Variants in MEX3C observed in about 807,000 individuals in gnomAD.
The protein encoded by MEX3C is RNA-binding E3 ubiquitin-protein ligase MEX3C.
Under a neutral mutation model 35.5 loss-of-function variants are expected in MEX3C, and 15 were observed. That is an observed-to-expected ratio of 0.42 (90% CI 0.28 to 0.65). The LOEUF (loss-of-function observed/expected upper bound fraction) is 0.65, where lower values mean the gene tolerates loss of function less well. MEX3C is among the 30% of genes least tolerant of loss of function. MEX3C has a pLI of 0.20. For synonymous variants in MEX3C, 390 were observed against 352.8 expected (o/e 1.11, Z -1.18); for missense variants, 711 against 842.8 (o/e 0.84, Z 1.94).
intron 1 of MEX3C, among the ~76,000 whole-genome samples, chr18:51,185,884 A>ACCCCC (rs150800504): frequency 6.6e-6 from 1 of 151,214 alleles, no homozygotes. Context: ...ACATAGTGAG[A>ACCCCC]CCCCCCCCTC....
intron 1 of MEX3C, among the ~76,000 whole-genome samples, chr18:51,178,169 A>G (rs1912344946): frequency 6.6e-6 from 1 of 152,210 alleles, no homozygotes; most frequent in Non-Finnish European, 1.5e-5. Flanking sequence ...TAATCATTGT[A>G]AAGTCCTGCT....
chr18:51,183,278 A>T (rs1315027817), intron 1 of MEX3C, among the ~76,000 whole-genome samples: 1 of 152,186 alleles, frequency 6.6e-6, no homozygotes, highest in African/African-American at 2.4e-5. Context: ...TTTGTTTTTA[A>T]ACCACGGTTC....
intron 1 of MEX3C, among the ~76,000 whole-genome samples, chr18:51,186,561 G>C (rs1236901334): frequency 1.3e-5 from 2 of 152,196 alleles, no homozygotes; most frequent in African/African-American, 2.4e-5. Context: ...TGTCAGGCAA[G>C]GGAATTTCGA....
At chr18:51,183,102 A>G (rs943107032) in intron 1 of MEX3C, among the ~76,000 whole-genome samples, 1 of 152,220 alleles carries the variant, frequency 6.6e-6, no homozygotes, top group African/African-American at 2.4e-5. Flanking sequence ...CATACAGTTG[A>G]AAATGGTAAT....
At position 51,197,079 on chromosome 18, in the gene MEX3C, G is replaced by A. The variant is rs1400547600; in HGVS notation, c.242C>T (p.Ala81Val). ...RAPAAAAQGQ[A>V]RRAAELSPEE... The stretch of plus-strand genomic sequence containing the variant: ...TGGAGACAGCTCCGCCGCCCGCCGG[G>A]CCTGGCCCTGCGCCGCCGCTGCCGG... Residue 81 changes from alanine (A) to valine (V), a missense_variant, in exon 1 of 2, where the codon GCC becomes GTC. By Grantham distance (64) the Ala-to-Val change is moderately conservative. Transcript: ENST00000406189. 7.8e-7 allele frequency: 1 copy of A among 1,286,204 alleles called. No individual in the cohort carries two copies. Among genetic ancestry groups the A allele is most frequent in the Admixed American group, 4.2e-5 (1 of 23,768 alleles). 79.7% of individuals were successfully genotyped at this position (1,286,204 alleles called of 1,614,324 possible). A position where few individuals can be genotyped will look rare whatever the true frequency, so the allele number is the denominator to read the frequency against.
At chr18:51,183,919 T>C (rs1912480820) in intron 1 of MEX3C, among the ~76,000 whole-genome samples, 2 of 152,166 alleles carry the variant, frequency 1.3e-5, no homozygotes, top group Admixed American at 1.3e-4. Context: ...AAGAATTGCT[T>C]GTGTCCAGGA....
At chr18:51,179,808 T>C (rs916006710) in intron 1 of MEX3C, among the ~76,000 whole-genome samples, 5 of 152,312 alleles carry the variant, frequency 3.3e-5, no homozygotes, top group South Asian at 2.1e-4. Flanking sequence ...TCACTTTCTA[T>C]TGATGCTTAA....
At chr18:51,180,845 T>C (rs1912412766) in intron 1 of MEX3C, among the ~76,000 whole-genome samples, 1 of 152,176 alleles carries the variant, frequency 6.6e-6, no homozygotes, top group Non-Finnish European at 1.5e-5. Context: ...CTTCCCTAAA[T>C]CTTTTGATTA....
rs953065112 is a variant in MEX3C at position 51,175,443 on chromosome 18, C to G, written c.*908G>C. The G allele has an allele frequency of 6.6e-6, 1 of 152,550 alleles. No individual in the cohort carries two copies. The highest frequency in any genetic ancestry group is 1.5e-5 in the Non-Finnish European group (1 of 68,030). 9.4% of individuals were successfully genotyped at this position (152,550 alleles called of 1,614,324 possible). Reference sequence around the variant, plus strand: ...ATTATCCCTTTCTCCCTCCTCCCTCCCCTAAATTACTAAAAAATAAAAATA... The same window carrying G: ...ATTATCCCTTTCTCCCTCCTCCCTCGCCTAAATTACTAAAAAATAAAAATA... On this transcript the variant is annotated 3_prime_UTR_variant, in exon 2 of 2. Transcript: ENST00000406189.
chr18:51,177,319 C>T lies in MEX3C; in HGVS notation c.1012G>A (p.Val338Ile). ...CCTTTGGGTCCAACCACTAATCCTA[C>T]CACACGATAAGGGACCCTGACTTGG... is the stretch of plus-strand genomic sequence containing the variant. ...TVQVRVPYRV[V>I]GLVVGPKGAT... Residue 338 changes from valine (V) to isoleucine (I), a missense_variant, in exon 2 of 2, where the codon GTA (valine) becomes ATA (isoleucine). This residue lies in a region of MEX3C where 83 missense variants were observed against 179.1 expected (regional missense o/e 0.46). Coordinates refer to ENST00000406189, the MANE Select transcript of MEX3C (RefSeq NM_016626.5). This position sits in a 1 kb window ranked among gnomAD's most constrained non-coding sequence, Gnocchi z 4.2. The T allele has an allele frequency of 1.2e-6, 2 of 1,614,018 alleles. No individual in the cohort carries two copies. The highest frequency in any genetic ancestry group is 1.7e-6 in the Non-Finnish European group (2 of 1,179,894).
At chr18:51,192,434 C>CTA (rs1175465822) in intron 1 of MEX3C, among the ~76,000 whole-genome samples, 3 of 151,982 alleles carry the variant, frequency 2.0e-5, no homozygotes, top group Non-Finnish European at 2.9e-5. Context: ...AAGCTAGTGT[C>CTA]TATATATATA....
Position 51,176,352 on chromosome 18 carries a change from T to C in MEX3C, c.1979A>G (p.Ter660=), listed in dbSNP as rs745951161. 2.5e-6 allele frequency: 4 copies of C among 1,611,118 alleles called. No individual in the cohort carries two copies. The highest frequency in any genetic ancestry group is 1.7e-6 in the Non-Finnish European group (2 of 1,178,418). ...TAGTATTTATGTATATATATATAGT[T>C]AAGAGTGAATTTGGATTGCCTGAGT... ...AVTQAIQIHS[*] Residue 660 remains the stop codon, a stop_retained_variant, in exon 2 of 2, where the codon TAA becomes TGA. Coordinates refer to ENST00000406189, the MANE Select transcript of MEX3C (RefSeq NM_016626.5).
In MEX3C at chr18:51,175,091, G is replaced by A. The variant is rs1912269859; in HGVS notation, c.*1260C>T. ...TTTTATACGAAATGTAACTCTTCAA[G>A]TGGAAATAAAAAATAAAATTTGTCT... On this transcript the variant is annotated 3_prime_UTR_variant, in exon 2 of 2. Coordinates refer to ENST00000406189, the MANE Select transcript of MEX3C (RefSeq NM_016626.5). 6.6e-6 allele frequency: 1 copy of A among 152,476 alleles called. No homozygotes were observed. The highest frequency in any genetic ancestry group is 6.6e-5 in the Admixed American group (1 of 15,266). The allele number at this position is 152,476 out of a possible 1,614,324, so 9.4% of individuals were successfully genotyped here.
At chr18:51,181,644 ATG>A (rs1304530302) in intron 1 of MEX3C, among the ~76,000 whole-genome samples, 1 of 152,230 alleles carries the variant, frequency 6.6e-6, no homozygotes, top group Non-Finnish European at 1.5e-5. Flanking sequence ...CTGTAGAAAT[ATG>A]TGCACAAGTG....
rs572287413 is a variant in MEX3C at position 51,186,538 on chromosome 18, C to G, written c.755-8962G>C. 2.0e-5 allele frequency among the ~76,000 whole-genome samples: 3 copies of G among 152,222 alleles called. No individual in the cohort carries two copies. In the East Asian group the frequency reaches 5.8e-4, roughly 29 times the overall value. Reference sequence around the variant, plus strand: ...GCAGGGATAAAGCTGGATGGGGAGACAGAAGTCTCTGATGTCAGGCAAGGG... The same window carrying G: ...GCAGGGATAAAGCTGGATGGGGAGAGAGAAGTCTCTGATGTCAGGCAAGGG... On this transcript the variant is annotated intron_variant, in intron 1 of 1. Coordinates refer to ENST00000406189, the MANE Select transcript of MEX3C (RefSeq NM_016626.5).
chr18:51,189,957 G>C (rs1273824479), intron 1 of MEX3C, among the ~76,000 whole-genome samples: 1 of 152,050 alleles, frequency 6.6e-6, no homozygotes, highest in African/African-American at 2.4e-5. Flanking sequence ...GCTTTAACTA[G>C]CATTTGTTCA....
intron 1 of MEX3C, among the ~76,000 whole-genome samples, chr18:51,192,738 C>T (rs926846006): frequency 6.6e-6 from 1 of 152,136 alleles, no homozygotes; most frequent in Non-Finnish European, 1.5e-5. Flanking sequence ...TAAATCCAAT[C>T]TCAACTATTT....
In MEX3C at chr18:51,177,024, G is replaced by A. The variant is rs374845418; in HGVS notation, c.1307C>T (p.Ala436Val). The change falls in exon 2 of 2, where the codon GCA (alanine) becomes GTA (valine). Residue 436 changes from alanine (A) to valine (V), a missense_variant. Ala to Val is a moderately conservative substitution (Grantham distance 64, BLOSUM62 0). Around this residue, in one of 4 missense-constraint regions of MEX3C, gnomAD observed 187 missense variants for 201.7 expected, o/e 0.93. Coordinates refer to ENST00000406189, the MANE Select transcript of MEX3C (RefSeq NM_016626.5). The surrounding 1 kb of genome is among the most constrained non-coding windows in gnomAD (Gnocchi z 4.2). ...LSSNPVPPSR[A>V]RMISNYRNDS... Reference sequence around the variant, plus strand: ...ATTTCGATAATTGGATATCATTCTTGCGCGGCTAGGAGGAACAGGATTGGA... The same window carrying A: ...ATTTCGATAATTGGATATCATTCTTACGCGGCTAGGAGGAACAGGATTGGA... 3.7e-6 allele frequency: 6 copies of A among 1,613,986 alleles called. No individual in the cohort carries two copies. Among genetic ancestry groups the A allele is most frequent in the South Asian group, 2.2e-5 (2 of 91,084 alleles).
At position 51,176,659 on chromosome 18, in the gene MEX3C, G is replaced by A. The variant is rs200341420; in HGVS notation, c.1672C>T (p.Arg558Trp). 482 of 1,613,978 alleles carry A rather than the reference G, an allele frequency of 3.0e-4. 2 individuals carry two copies. The Admixed American group carries it at 3.5e-3, about 12-fold the overall frequency. ...CTAGGTGGGTCGCTCCTAACCCTCC[G>A]AGCAAGTGGATGTTCTATGCTCTCA... ...FPESIEHPLARRVRSDPPSTG... is the reference protein window; with the variant it reads ...FPESIEHPLAWRVRSDPPSTG... The change falls in exon 2 of 2, where the codon CGG (arginine) becomes TGG (tryptophan). Residue 558 changes from arginine (R) to tryptophan (W), a missense_variant. Coordinates refer to ENST00000406189, the MANE Select transcript of MEX3C (RefSeq NM_016626.5).
Sources: allele counts gnomAD v4.1 joint callset (sites outside exome capture counted in the v4.1 genomes callset), GRCh38; gene constraint gnomAD v4.1.1; regional missense constraint gnomAD v4.1.1; non-coding constraint Gnocchi (gnomAD v3.1); transcripts MANE v1.5; gene names NCBI Gene and HGNC (gene_info 2026-07-23, HGNC 2026-07-21).